Variants in RASAL2 observed in about 807,000 individuals in gnomAD.
RASAL2 encodes the protein ras GTPase-activating protein nGAP.
In RASAL2, 58 loss-of-function variants were observed where a neutral mutation model predicts 128.9. The observed-to-expected ratio is 0.45, with a 90% CI of 0.36 to 0.56. The LOEUF is 0.56. RASAL2 is among the 20% of genes least tolerant of loss of function. The probability of loss-of-function intolerance (pLI) is 0.00; values close to 1 mark genes in which losing one functional copy is unlikely to be tolerated. For synonymous variants in RASAL2, 561 were observed against 580.8 expected, an observed-to-expected ratio of 0.97 and a Z score of 0.49; for missense variants, 1,360 against 1,601.6, an observed-to-expected ratio of 0.85 and a Z score of 2.57.
intron 3 of RASAL2, among the ~76,000 whole-genome samples, chr1:178,312,911 T>C (rs987343544): frequency 9.9e-5 from 15 of 152,212 alleles, no homozygotes; most frequent in African/African-American, 3.6e-4. Context: ...TTTACATATA[T>C]GAATTTTTTA....
chr1:178,470,347 T>G (rs1278629240), intron 17 of RASAL2, among the ~76,000 whole-genome samples: 1 of 152,194 alleles, frequency 6.6e-6, no homozygotes, highest in Non-Finnish European at 1.5e-5. Context: ...AGCCTCTGCC[T>G]CTTTTTGAGT....
chr1:178,250,816 T>C (rs1665018220), intron 1 of RASAL2, among the ~76,000 whole-genome samples: 1 of 152,132 alleles, frequency 6.6e-6, no homozygotes, highest in Admixed American at 6.5e-5. Context: ...TGTGTTTGCT[T>C]AGTCACGTTA....
intron 3 of RASAL2, among the ~76,000 whole-genome samples, chr1:178,302,047 G>C (rs992494442): frequency 5.3e-5 from 8 of 152,134 alleles, no homozygotes; most frequent in Admixed American, 3.3e-4. Context: ...AGCTATCCTC[G>C]TAAATATTAT....
intron 1 of RASAL2, among the ~76,000 whole-genome samples, chr1:178,158,147 C>T (rs1661145082): frequency 6.6e-6 from 1 of 152,180 alleles, no homozygotes; most frequent in Non-Finnish European, 1.5e-5. Flanking sequence ...CTCTATTTAA[C>T]TCACAGCATG....
intron 3 of RASAL2, among the ~76,000 whole-genome samples, chr1:178,358,046 G>A (rs1021754681): frequency 6.6e-6 from 1 of 151,720 alleles, no homozygotes; most frequent in Non-Finnish European, 1.5e-5. Context: ...GACCAGCCTG[G>A]CCAATGTGGC....
chr1:178,302,140 G>T (rs1667794806), intron 3 of RASAL2, among the ~76,000 whole-genome samples: 1 of 151,946 alleles, frequency 6.6e-6, no homozygotes, highest in South Asian at 2.1e-4. Context: ...TTTTTTTATT[G>T]TTATCTCCAA....
At position 178,462,406 on chromosome 1, in the gene RASAL2, GTATGA is replaced by G. The variant is rs757273485; in HGVS notation, c.3253-1865_3253-1861del. ...CTAGTCAGTATCATTTAAAAGAACT[GTATGA>G]TATGATGCCCATTAGATTGACTAAT... On this transcript the variant is annotated intron_variant, in intron 14 of 17. Transcript: ENST00000367649. Among the ~76,000 whole-genome samples the G allele has an allele frequency of 7.4e-4, 112 of 152,076 alleles. 1 individual carries two copies. Among genetic ancestry groups the G allele is most frequent in the Admixed American group, 1.6e-3 (24 of 15,258 alleles).
intron 1 of RASAL2, among the ~76,000 whole-genome samples, chr1:178,223,797 C>T (rs958068837): frequency 2.6e-5 from 4 of 151,932 alleles, no homozygotes; most frequent in African/African-American, 7.3e-5. Context: ...TTGGATAATA[C>T]TCAGGAGGGG....
At chr1:178,200,515 G>T (rs1662827184) in intron 1 of RASAL2, among the ~76,000 whole-genome samples, 1 of 152,142 alleles carries the variant, frequency 6.6e-6, no homozygotes, top group Non-Finnish European at 1.5e-5. Flanking sequence ...TGAACTCGGG[G>T]CTTCTAACTG....
chr1:178,417,322 CTG>C (rs1452478160), intron 4 of RASAL2, among the ~76,000 whole-genome samples: 1 of 152,064 alleles, frequency 6.6e-6, no homozygotes, highest in Non-Finnish European at 1.5e-5. Context: ...TATCTAAAGT[CTG>C]TATTAAATGG....
chr1:178,344,001 T>G (rs547877941), intron 3 of RASAL2, among the ~76,000 whole-genome samples: 2 of 152,272 alleles, frequency 1.3e-5, no homozygotes, highest in East Asian at 3.9e-4. Context: ...GGGAATAGAA[T>G]GGGTATAGTG....
chr1:178,400,560 G>T (rs539670190), intron 4 of RASAL2, among the ~76,000 whole-genome samples: 19 of 152,056 alleles, frequency 1.2e-4, no homozygotes, highest in Admixed American at 2.6e-4. Context: ...TACTTCAGAG[G>T]ATACACAGAC....
At chr1:178,301,437 CTT>C (rs896455309) in intron 3 of RASAL2, among the ~76,000 whole-genome samples, 6 of 147,598 alleles carry the variant, frequency 4.1e-5, no homozygotes, top group African/African-American at 1.5e-4. Context: ...TGTTGTCTCT[CTT>C]TTTTTTTTTC....
intron 1 of RASAL2, among the ~76,000 whole-genome samples, chr1:178,278,076 C>T (rs2102196723): frequency 6.6e-6 from 1 of 152,294 alleles, no homozygotes; most frequent in African/African-American, 2.4e-5. Context: ...AAGCTGTCTG[C>T]CGCAGAGAGG....
Position 178,395,067 on chromosome 1 carries a change from C to T in RASAL2, c.564+4861C>T, listed in dbSNP as rs181432840. The stretch of plus-strand genomic sequence containing the variant: ...TTAAACAAAGAGATAGAAAGCTTCA[C>T]GTCCACTATTTAATAAAGACTAGTA... On this transcript the variant is annotated intron_variant, in intron 4 of 17. Coordinates refer to ENST00000367649, the MANE Select transcript of RASAL2 (RefSeq NM_170692.4). 1.2e-4 allele frequency among the ~76,000 whole-genome samples: 18 copies of T among 152,240 alleles called. No homozygotes were observed. The East Asian group carries it at 3.5e-3, about 29-fold the overall frequency.
At chr1:178,221,590 TTTCTAGTTTAA>T (rs2102004102) in intron 1 of RASAL2, among the ~76,000 whole-genome samples, 1 of 152,338 alleles carries the variant, frequency 6.6e-6, no homozygotes, top group South Asian at 2.1e-4. Flanking sequence ...GTGTTATTGA[TTTCTAGTTTAA>T]TTCTGGTGTA....
At chr1:178,130,700 C>T (rs1558070234) in intron 1 of RASAL2, among the ~76,000 whole-genome samples, 1 of 152,084 alleles carries the variant, frequency 6.6e-6, no homozygotes, top group African/African-American at 2.4e-5. Flanking sequence ...TTTTCTTCAC[C>T]TTGTTTGGCA....
intron 1 of RASAL2, among the ~76,000 whole-genome samples, chr1:178,125,012 G>A (rs912213545): frequency 6.6e-6 from 1 of 152,158 alleles, no homozygotes; most frequent in South Asian, 2.1e-4. Context: ...CATACTTAGA[G>A]AAATTATCTC....
intron 5 of RASAL2, among the ~76,000 whole-genome samples, chr1:178,423,168 TAC>T (rs765556730): frequency 2.0e-5 from 3 of 152,182 alleles, no homozygotes; most frequent in Non-Finnish European, 4.4e-5. Context: ...CTTTGTATGC[TAC>T]AGTGTTTTTA....
Sources: allele counts gnomAD v4.1 joint callset (sites outside exome capture counted in the v4.1 genomes callset), GRCh38; gene constraint gnomAD v4.1.1; transcripts MANE v1.5; gene names NCBI Gene and HGNC (gene_info 2026-07-23, HGNC 2026-07-21).